The following PDZK1IP1 variants were observed in gnomAD, a reference collection of about 807,000 sequenced individuals.
PDZK1IP1 encodes the protein PDZK1-interacting protein 1.
In PDZK1IP1, 9 loss-of-function variants were observed where a neutral mutation model predicts 14.7. The observed-to-expected ratio is 0.61, with a 90% CI of 0.37 to 1.07. The LOEUF (loss-of-function observed/expected upper bound fraction) is 1.07. PDZK1IP1 is among the 50% of genes least tolerant of loss of function. The pLI is 0.01. For synonymous variants in PDZK1IP1, 70 were observed against 61.2 expected (o/e 1.14, Z -0.67); for missense variants, 152 against 148.7 (o/e 1.02, Z -0.11).
At chr1:47,185,989 G>T (rs1274921976) in intron 2 of PDZK1IP1, among the ~76,000 whole-genome samples, 1 of 152,122 alleles carries the variant, frequency 6.6e-6, no homozygotes, top group African/African-American at 2.4e-5. Context: ...TGCTAAGGCC[G>T]TGTCTCATCC....
intron 3 of PDZK1IP1, among the ~76,000 whole-genome samples, chr1:47,184,582 CATACCCCACTGAG>C: frequency 2.4e-5 from 3 of 125,438 alleles, no homozygotes; most frequent in African/African-American, 3.0e-5. Flanking sequence ...CCACTGAGTC[CATACCCCACTGAG>C]TCCACACCCC....
chr1:47,186,444 C>T (rs1264481099), intron 2 of PDZK1IP1, among the ~76,000 whole-genome samples: 2 of 152,256 alleles, frequency 1.3e-5, no homozygotes, highest in Non-Finnish European at 2.9e-5. Flanking sequence ...TCTCAGGTGT[C>T]TCCATCCCTG....
At chr1:47,187,022 G>A (rs907034883) in intron 2 of PDZK1IP1, among the ~76,000 whole-genome samples, 38 of 152,178 alleles carry the variant, frequency 2.5e-4, no homozygotes, top group Admixed American at 1.6e-3. Context: ...TCCTGGCTCT[G>A]CGGAAACACC....
chr1:47,187,244 TC>T (rs1358108218), intron 2 of PDZK1IP1, 74 bp downstream of exon 2: 2 of 1,020,638 alleles, frequency 2.0e-6, no homozygotes, highest in Admixed American at 1.9e-5. Flanking sequence ...CTGAGGCCCT[TC>T]TCACTGCTAC....
chr1:47,188,905 C>T (rs1042597924), intron 1 of PDZK1IP1, among the ~76,000 whole-genome samples: 1 of 152,190 alleles, frequency 6.6e-6, no homozygotes, highest in Non-Finnish European at 1.5e-5. Flanking sequence ...CCCTTGGAGG[C>T]CCCTCCCTGT....
chr1:47,184,946 G>T, intron 3 of PDZK1IP1, 56 bp downstream of exon 3: 1 of 1,406,798 alleles, frequency 7.1e-7, no homozygotes, highest in Non-Finnish European at 1.0e-6. Context: ...CACCTGTCTT[G>T]AGATTCTCCT....
At position 47,183,617 on chromosome 1, in the gene PDZK1IP1, AGCCTC is replaced by A. The variant is rs1238124268; in HGVS notation, c.*349_*353del. On this transcript the variant is annotated 3_prime_UTR_variant, in exon 4 of 4. Coordinates refer to ENST00000294338, the MANE Select transcript of PDZK1IP1 (RefSeq NM_005764.4). The stretch of plus-strand genomic sequence containing the variant: ...CTGGAAGCCTGAGGGGCTGTTGCTG[AGCCTC>A]AGCCCCAGAAATACAAAAAGTCTTT... 1 of 256,156 alleles carries A rather than the reference AGCCTC, an allele frequency of 3.9e-6. No individual in the cohort carries two copies. Among genetic ancestry groups the A allele is most frequent in the Non-Finnish European group, 7.5e-6 (1 of 133,464 alleles). 15.9% of individuals were successfully genotyped at this position (256,156 alleles called of 1,614,324 possible).
chr1:47,189,494 A>T (rs2148573937), intron 1 of PDZK1IP1, among the ~76,000 whole-genome samples: 1 of 152,270 alleles, frequency 6.6e-6, no homozygotes, highest in South Asian at 2.1e-4. Context: ...TCTCTATCCA[A>T]GCCCAAGAGG....
chr1:47,188,783 C>T (rs906664981), intron 1 of PDZK1IP1, among the ~76,000 whole-genome samples: 5 of 152,188 alleles, frequency 3.3e-5, no homozygotes, highest in African/African-American at 1.2e-4. Context: ...AGTGTGATTA[C>T]CCTCAGTTCC....
Position 47,185,076 on chromosome 1 carries a change from C to T in PDZK1IP1, c.198G>A (p.Leu66=). ...QEEPEPAHMI[L]TVGNKADGVL... The stretch of plus-strand genomic sequence containing the variant: ...CTCCATCTGCCTTGTTTCCGACGGT[C>T]AGGATCATGTGTGCAGGCTCCCTGG... Residue 66 remains leucine, a synonymous_variant, in exon 3 of 4, where the codon CTG becomes CTA. Transcript: ENST00000294338. 1 of 1,613,288 alleles carries T rather than the reference C, an allele frequency of 6.2e-7. No homozygotes were observed. Among genetic ancestry groups the T allele is most frequent in the Non-Finnish European group, 8.5e-7 (1 of 1,179,910 alleles).
At chr1:47,189,655 C>A (rs1403502353) in intron 1 of PDZK1IP1, among the ~76,000 whole-genome samples, 1 of 152,212 alleles carries the variant, frequency 6.6e-6, no homozygotes, top group Non-Finnish European at 1.5e-5. Flanking sequence ...TCCCTGAGAT[C>A]CTAGAACCAA....
intron 1 of PDZK1IP1, 45 bp downstream of exon 1, chr1:47,189,821 T>C: frequency 6.8e-7 from 1 of 1,470,966 alleles, no homozygotes; most frequent in Non-Finnish European, 9.1e-7. Flanking sequence ...ACACCACCTG[T>C]CCACCCCTGG....
chr1:47,183,970 G>T lies in PDZK1IP1; in HGVS notation c.*1C>A, dbSNP rs568268980. ...TCTTGGGGTTGGAGCCACAGAGAAGGTTACATCGGGGTGCTGCGGACCTTG... is the reference window on the plus strand; with the variant it reads ...TCTTGGGGTTGGAGCCACAGAGAAGTTTACATCGGGGTGCTGCGGACCTTG... On this transcript the variant is annotated 3_prime_UTR_variant, in exon 4 of 4. Transcript: ENST00000294338. 1.3e-6 allele frequency: 2 copies of T among 1,593,684 alleles called. No homozygotes were observed. The highest frequency in any genetic ancestry group is 2.3e-5 in the East Asian group (1 of 44,430).
intron 2 of PDZK1IP1, among the ~76,000 whole-genome samples, chr1:47,185,898 C>A (rs530894767): frequency 6.6e-6 from 1 of 152,214 alleles, no homozygotes; most frequent in East Asian, 1.9e-4. Context: ...CATGCCCACC[C>A]CCTCACCACT....
rs1378842300 is a variant in PDZK1IP1 at position 47,183,651 on chromosome 1, T to C, written c.*320A>G. On this transcript the variant is annotated 3_prime_UTR_variant, in exon 4 of 4. Transcript: ENST00000294338. ...CCCAGAAATACAAAAAGTCTTTATT[T>C]CACAGAAATTAGGGCCATTTCCATA... The C allele has an allele frequency of 5.4e-6, 2 of 368,680 alleles. No homozygotes were observed. Among genetic ancestry groups the C allele is most frequent in the African/African-American group, 2.1e-5 (1 of 48,096 alleles). The allele number at this position is 368,680 out of a possible 1,614,324, so 22.8% of individuals were successfully genotyped here. A position where few individuals can be genotyped will look rare whatever the true frequency, so the allele number is the denominator to read the frequency against.
chr1:47,187,183 C>T, intron 2 of PDZK1IP1, 136 bp downstream of exon 2: 2 of 634,268 alleles, frequency 3.2e-6, no homozygotes, highest in Non-Finnish European at 5.6e-6. Context: ...TGACCTTGAG[C>T]CTCAGTTTCC....
chr1:47,185,765 C>T (rs577419538), intron 2 of PDZK1IP1, among the ~76,000 whole-genome samples: 2 of 152,080 alleles, frequency 1.3e-5, no homozygotes, highest in Admixed American at 1.3e-4. Flanking sequence ...CCTTCCTCCC[C>T]TCGAGTCCGC....
chr1:47,184,587 C>T (rs1288113458), intron 3 of PDZK1IP1, among the ~76,000 whole-genome samples: 5 of 135,864 alleles, frequency 3.7e-5, no homozygotes, highest in South Asian at 2.5e-4. Flanking sequence ...GAGTCCATAC[C>T]CCACTGAGTC....
In PDZK1IP1 at chr1:47,183,858, G is replaced by A. The variant is rs780411412; in HGVS notation, c.*113C>T. 1.1e-6 allele frequency: 1 copy of A among 891,720 alleles called. No homozygotes were observed. The highest frequency in any genetic ancestry group is 1.8e-6 in the Non-Finnish European group (1 of 557,896). 55.2% of individuals were successfully genotyped at this position (891,720 alleles called of 1,614,324 possible). On this transcript the variant is annotated 3_prime_UTR_variant, in exon 4 of 4. Coordinates refer to ENST00000294338, the MANE Select transcript of PDZK1IP1 (RefSeq NM_005764.4). ...CGGGTAGGGCCGGCATGGGGCTGGA[G>A]GGAGTCAGCCCACTATTGCAGATTC...
Sources: allele counts gnomAD v4.1 joint callset (sites outside exome capture counted in the v4.1 genomes callset), GRCh38; gene constraint gnomAD v4.1.1; transcripts MANE v1.5; gene names NCBI Gene and HGNC (gene_info 2026-07-23, HGNC 2026-07-21).